The following DPYSL2 variants were observed in gnomAD, a reference collection of about 807,000 sequenced individuals.
DPYSL2 encodes dihydropyrimidinase like 2.
DPYSL2 carries 13 observed loss-of-function variants against 69.9 expected under a neutral mutation model. That is an observed-to-expected ratio of 0.19 (90% CI 0.12 to 0.30). The LOEUF is 0.30. DPYSL2 is among the 10% of genes least tolerant of loss of function. The probability of loss-of-function intolerance (pLI) is 1.00; values close to 1 mark genes in which losing one functional copy is unlikely to be tolerated. For synonymous variants in DPYSL2, 326 were observed against 359.1 expected (o/e 0.91, Z 1.04); for missense variants, 587 against 918.9 (o/e 0.64, Z 4.67).
chr8:26,519,781 C>T (rs1053026830), intron 1 of DPYSL2, among the ~76,000 whole-genome samples: 2 of 152,062 alleles, frequency 1.3e-5, no homozygotes, highest in East Asian at 3.9e-4. Flanking sequence ...TTTAATTTTG[C>T]AGGCAAAATA....
intron 1 of DPYSL2, among the ~76,000 whole-genome samples, chr8:26,574,992 G>A (rs1215905953): frequency 6.6e-6 from 1 of 152,180 alleles, no homozygotes; most frequent in Non-Finnish European, 1.5e-5. Context: ...GAAGTGCAGT[G>A]GCGCTATCTT....
chr8:26,621,107 C>A lies in DPYSL2; in HGVS notation c.629-3036C>A, dbSNP rs953885393. Among the ~76,000 whole-genome samples the A allele has an allele frequency of 6.6e-6, 1 of 151,908 alleles. No individual in the cohort carries two copies. The highest frequency in any genetic ancestry group is 2.4e-5 in the African/African-American group (1 of 41,332). ...TTGTATTTTATGTATCTCTATAAAC[C>A]ACTTTAAAACTTTTTGGGGGAAGAA... On this transcript the variant is annotated intron_variant, in intron 3 of 13. Coordinates refer to ENST00000521913, the MANE Select transcript of DPYSL2 (RefSeq NM_001197293.3). The surrounding 1 kb of genome is among the most constrained non-coding windows in gnomAD (Gnocchi z 4.9).
chr8:26,576,692 C>G (rs1402755168), intron 1 of DPYSL2, among the ~76,000 whole-genome samples: 2 of 152,252 alleles, frequency 1.3e-5, no homozygotes, highest in Non-Finnish European at 2.9e-5. Flanking sequence ...AGTCAGGACA[C>G]TCTTGATTTT....
chr8:26,637,704 A>G (rs1184779831), intron 8 of DPYSL2: 1 of 152,214 alleles, frequency 6.6e-6, no homozygotes, highest in Non-Finnish European at 1.5e-5. Flanking sequence ...CAGGATCAGT[A>G]TTCATTCTTG....
intron 11 of DPYSL2, among the ~76,000 whole-genome samples, chr8:26,649,834 A>G (rs1356425720): frequency 2.0e-5 from 3 of 152,188 alleles, no homozygotes; most frequent in Non-Finnish European, 2.9e-5. Flanking sequence ...GCCTCCCTGC[A>G]TCATGGTTTG....
At chr8:26,636,942 A>G (rs1331566638) in intron 8 of DPYSL2, among the ~76,000 whole-genome samples, 3 of 151,950 alleles carry the variant, frequency 2.0e-5, no homozygotes, top group Non-Finnish European at 2.9e-5. Flanking sequence ...GGGTTTCACC[A>G]TGTTGACCAG....
intron 1 of DPYSL2, among the ~76,000 whole-genome samples, chr8:26,553,153 T>C (rs1206251797): frequency 2.0e-5 from 3 of 152,170 alleles, no homozygotes; most frequent in African/African-American, 4.8e-5. Context: ...AGAAATACAA[T>C]AGAAAATAAC....
rs1005241808 is a variant in DPYSL2 at position 26,591,644 on chromosome 8, G to A, written c.628+7661G>A. The stretch of plus-strand genomic sequence containing the variant: ...AACCCTTTCTCATGTGAAACCTTGC[G>A]TGGAACCCCCTCCACCTGAGATATG... On this transcript the variant is annotated intron_variant, in intron 3 of 13. Transcript: ENST00000521913. The surrounding 1 kb of genome is among the most constrained non-coding windows in gnomAD (Gnocchi z 5.8). 6.6e-6 allele frequency among the ~76,000 whole-genome samples: 1 copy of A among 152,166 alleles called. No individual in the cohort carries two copies. Among genetic ancestry groups the A allele is most frequent in the Non-Finnish European group, 1.5e-5 (1 of 68,034 alleles).
intron 4 of DPYSL2, among the ~76,000 whole-genome samples, chr8:26,625,489 C>A (rs551616805): frequency 1.4e-4 from 21 of 152,242 alleles, no homozygotes; most frequent in Non-Finnish European, 2.8e-4. Flanking sequence ...CAGCACCCCC[C>A]AGGTGGCTTG....
At chr8:26,602,896 C>T (rs1235587668) in intron 3 of DPYSL2, among the ~76,000 whole-genome samples, 4 of 152,228 alleles carry the variant, frequency 2.6e-5, no homozygotes, top group Non-Finnish European at 4.4e-5. Context: ...AGAGAGGCTT[C>T]AGCCAATAGG....
At chr8:26,558,206 G>A (rs915407532) in intron 1 of DPYSL2, among the ~76,000 whole-genome samples, 1 of 152,096 alleles carries the variant, frequency 6.6e-6, no homozygotes, top group Non-Finnish European at 1.5e-5. Context: ...TCCATGAGTA[G>A]GTGAATGGAT....
chr8:26,616,834 G>A (rs1802363146), intron 3 of DPYSL2, among the ~76,000 whole-genome samples: 4 of 152,032 alleles, frequency 2.6e-5, no homozygotes, highest in African/African-American at 9.7e-5. Flanking sequence ...ACCCCAAGGT[G>A]GGATCACAGG....
rs201370842 is a variant in DPYSL2, at chr8:26,655,782, C to T, written c.*76C>T. 2 of 1,183,202 alleles carry T rather than the reference C, an allele frequency of 1.7e-6. No homozygotes were observed. Among genetic ancestry groups the T allele is most frequent in the South Asian group, 1.9e-5 (1 of 52,560 alleles). 73.3% of individuals were successfully genotyped at this position (1,183,202 alleles called of 1,614,324 possible). A position where few individuals can be genotyped will look rare whatever the true frequency, so the allele number is the denominator to read the frequency against. On this transcript the variant is annotated 3_prime_UTR_variant, in exon 14 of 14. Transcript: ENST00000521913. ...ACATTCTGAGACTTCTTTCTTCCTT[C>T]CTTTTTTTTTTTTTGTTTTTTTTTT...
chr8:26,646,693 C>G (rs909698669), intron 10 of DPYSL2, among the ~76,000 whole-genome samples: 2 of 152,060 alleles, frequency 1.3e-5, no homozygotes, highest in Non-Finnish European at 2.9e-5. Context: ...GTTGGCTAGA[C>G]TAGAAGATGA....
At chr8:26,584,895 A>G (rs1040179853) in intron 3 of DPYSL2, among the ~76,000 whole-genome samples, 2 of 152,140 alleles carry the variant, frequency 1.3e-5, no homozygotes, top group African/African-American at 2.4e-5. Flanking sequence ...CTGGGATTAC[A>G]GGCATGAGCC....
Position 26,627,097 on chromosome 8 carries a change from G to T in DPYSL2, c.856-118G>T, listed in dbSNP as rs17322275. The T allele has an allele frequency of 4.4e-6, 4 of 899,310 alleles. No individual in the cohort carries two copies. In the African/African-American group the frequency reaches 5.0e-5, roughly 11 times the overall value. The allele number at this position is 899,310 out of a possible 1,614,324, so 55.7% of individuals were successfully genotyped here. A position where few individuals can be genotyped will look rare whatever the true frequency, so the allele number is the denominator to read the frequency against. The stretch of plus-strand genomic sequence containing the variant: ...CATATCAAAAAAAGTCAGGCTAATA[G>T]AATCGCCTAGGTGTCCTGTTTCTCA... On this transcript the variant is annotated intron_variant, in intron 5 of 13. Transcript: ENST00000521913. This position sits in a 1 kb window ranked among gnomAD's most constrained non-coding sequence, Gnocchi z 6.9.
chr8:26,653,140 A>C lies in DPYSL2; in HGVS notation c.1777-92A>C. 1 of 1,456,408 alleles carries C rather than the reference A, an allele frequency of 6.9e-7. No individual in the cohort carries two copies. Among genetic ancestry groups the C allele is most frequent in the Non-Finnish European group, 9.3e-7 (1 of 1,074,130 alleles). 90.2% of individuals were successfully genotyped at this position (1,456,408 alleles called of 1,614,324 possible). A position where few individuals can be genotyped will look rare whatever the true frequency, so the allele number is the denominator to read the frequency against. ...TGTAAGGAGAGCCCTCCATCCCTAG[A>C]TCTCACAGGCCCATCCTCCCTCCAG... On this transcript the variant is annotated intron_variant, in intron 12 of 13. Transcript: ENST00000521913. This position sits in a 1 kb window ranked among gnomAD's most constrained non-coding sequence, Gnocchi z 5.7.
rs1003330675 is a variant in DPYSL2, at chr8:26,608,041, C to T, written c.629-16102C>T. 4.1e-5 allele frequency among the ~76,000 whole-genome samples: 6 copies of T among 145,094 alleles called. No individual in the cohort carries two copies. In the South Asian group the frequency reaches 1.1e-3, roughly 26 times the overall value. ...GCAGTGAGCCTAGATCACGCCACTGCACTCCAACCTGGGTGACAGAGCAAG... is the reference window on the plus strand; with the variant it reads ...GCAGTGAGCCTAGATCACGCCACTGTACTCCAACCTGGGTGACAGAGCAAG... On this transcript the variant is annotated intron_variant, in intron 3 of 13. Transcript: ENST00000521913.
Position 26,644,630 on chromosome 8 carries a change from A to T in DPYSL2, c.1425+539A>T, listed in dbSNP as rs1265815635. ...TACCTGTATATTTCTTATCATTATC[A>T]TCAATGGAACAGTAAAGACTGAAAA... On this transcript the variant is annotated intron_variant, in intron 10 of 13. Coordinates refer to ENST00000521913, the MANE Select transcript of DPYSL2 (RefSeq NM_001197293.3). The surrounding 1 kb of genome is among the most constrained non-coding windows in gnomAD (Gnocchi z 4.5). Among the ~76,000 whole-genome samples, 1 of 152,064 alleles carries T rather than the reference A, an allele frequency of 6.6e-6. No individual in the cohort carries two copies. Among genetic ancestry groups the T allele is most frequent in the Non-Finnish European group, 1.5e-5 (1 of 68,018 alleles).
Sources: gnomAD v4.1 joint callset for allele counts (sites outside exome capture counted in the v4.1 genomes callset) on GRCh38, gnomAD v4.1.1 for gene constraint, Gnocchi (gnomAD v3.1) non-coding constraint, MANE v1.5 for transcripts, NCBI Gene and HGNC (gene_info 2026-07-23, HGNC 2026-07-21) for gene names.